Variants in FBXO10 observed in about 807,000 individuals in gnomAD.
The protein encoded by FBXO10 is F-box only protein 10.
FBXO10 carries 39 observed loss-of-function variants against 80.7 expected under a neutral mutation model. The ratio of observed to expected loss-of-function variants is 0.48; its 90% CI spans 0.37 to 0.63. FBXO10 has a LOEUF of 0.63. Among genes scored for constraint, FBXO10 ranks in the 30% least tolerant of loss-of-function variants. The probability of loss-of-function intolerance (pLI) is 0.00; values close to 1 mark genes in which losing one functional copy is unlikely to be tolerated. For synonymous variants in FBXO10, 449 were observed against 489.6 expected (o/e 0.92, Z 1.09); for missense variants, 1,025 against 1,269.0 (o/e 0.81, Z 2.92).
At chr9:37,521,949 T>C in intron 7 of FBXO10, 111 bp from the exon 8 acceptor site, 1 of 1,273,218 alleles carries the variant, frequency 7.9e-7, no homozygotes, top group Non-Finnish European at 1.0e-6. Flanking sequence ...GTCCCTGCCT[T>C]GCTAATGACC....
intron 9 of FBXO10, among the ~76,000 whole-genome samples, chr9:37,517,708 T>C (rs572837242): frequency 6.6e-6 from 1 of 152,230 alleles, no homozygotes; most frequent in East Asian, 1.9e-4. Context: ...GCAGGGTATA[T>C]AGGGAAGAGT....
intron 1 of FBXO10, among the ~76,000 whole-genome samples, chr9:37,553,012 TTGTGTG>T (rs74171513): frequency 0.044 from 6,421 of 144,428 alleles, 204 homozygotes; most frequent in African/African-American, 0.091. Flanking sequence ...CCAATTCAGG[TTGTGTG>T]TGTGTGTGTG....
At chr9:37,569,195 C>G (rs188879323) in intron 1 of FBXO10, among the ~76,000 whole-genome samples, 1 of 149,442 alleles carries the variant, frequency 6.7e-6, no homozygotes, top group Non-Finnish European at 1.5e-5. Context: ...AAAGATGCAA[C>G]TAATGGAAAA....
chr9:37,567,852 T>C (rs544753269), intron 1 of FBXO10, among the ~76,000 whole-genome samples: 1 of 152,310 alleles, frequency 6.6e-6, no homozygotes, highest in Middle Eastern at 3.4e-3. Flanking sequence ...GCCCAGCACC[T>C]TCCCTCTTCT....
At chr9:37,533,056 A>C (rs1821669099) in intron 3 of FBXO10, among the ~76,000 whole-genome samples, 1 of 152,240 alleles carries the variant, frequency 6.6e-6, no homozygotes, top group African/African-American at 2.4e-5. Flanking sequence ...GGATGATTAG[A>C]GATATTGGTA....
chr9:37,562,438 AAC>A (rs1822504617), intron 1 of FBXO10, among the ~76,000 whole-genome samples: 1 of 152,182 alleles, frequency 6.6e-6, no homozygotes, highest in South Asian at 2.1e-4. Context: ...GGAAAAGGGA[AAC>A]ACACCTGTGG....
At chr9:37,527,923 A>G (rs554117433) in intron 5 of FBXO10, among the ~76,000 whole-genome samples, 2 of 152,296 alleles carry the variant, frequency 1.3e-5, no homozygotes, top group East Asian at 1.9e-4. Context: ...TAATTTTTGA[A>G]CCAGCAATTA....
At chr9:37,572,964 T>C (rs958025729) in intron 1 of FBXO10, among the ~76,000 whole-genome samples, 1 of 152,218 alleles carries the variant, frequency 6.6e-6, no homozygotes, top group Non-Finnish European at 1.5e-5. Flanking sequence ...ACAGGGTACA[T>C]GCCAAGTAAA....
At chr9:37,550,169 G>GTTTT (rs74171511) in intron 1 of FBXO10, among the ~76,000 whole-genome samples, 1,940 of 67,874 alleles carry the variant, frequency 0.029, 478 homozygotes, top group East Asian at 0.037. Context: ...GTCGTCTCAG[G>GTTTT]TTTTTTTTTT....
chr9:37,558,189 T>C (rs1415402273), intron 1 of FBXO10, among the ~76,000 whole-genome samples: 1 of 152,142 alleles, frequency 6.6e-6, no homozygotes, highest in African/African-American at 2.4e-5. Flanking sequence ...TGTTCAAGAG[T>C]GAATCAGCTA....
At chr9:37,539,218 C>T (rs186487871) in intron 2 of FBXO10, among the ~76,000 whole-genome samples, 1 of 152,260 alleles carries the variant, frequency 6.6e-6, no homozygotes, top group East Asian at 1.9e-4. Context: ...TAATTTCTTC[C>T]TTATGGCTAA....
chr9:37,541,222 C>T lies in FBXO10; in HGVS notation c.547G>A (p.Val183Ile), dbSNP rs201749823. 393 of 1,611,064 alleles carry T rather than the reference C, an allele frequency of 2.4e-4. No individual in the cohort carries two copies. Among genetic ancestry groups the T allele is most frequent in the Non-Finnish European group, 2.9e-4 (337 of 1,178,556 alleles). The change falls in exon 2 of 11, where the codon GTC becomes ATC. Residue 183 changes from valine to isoleucine, a missense_variant. Physicochemically the swap from Val to Ile is conservative, Grantham distance 29. Transcript: ENST00000432825. Reference sequence around the variant, plus strand: ...GGTGAGAACCAGGCTGGCGTGAAGACGAGGTTGCACAGGCGTGTGGTTGAG... The same window carrying T: ...GGTGAGAACCAGGCTGGCGTGAAGATGAGGTTGCACAGGCGTGTGGTTGAG... The part of the protein sequence containing the change: ...HCSTTRLCNL[V>I]FTPAWFSPIM...
intron 3 of FBXO10, among the ~76,000 whole-genome samples, chr9:37,534,853 G>C (rs1366791019): frequency 2.0e-5 from 3 of 152,182 alleles, no homozygotes; most frequent in African/African-American, 7.2e-5. Flanking sequence ...TGGGAGGAAA[G>C]TGACTTAGGC....
intron 1 of FBXO10, among the ~76,000 whole-genome samples, chr9:37,552,385 AAAG>A (rs1292145143): frequency 6.6e-6 from 1 of 152,194 alleles, no homozygotes; most frequent in African/African-American, 2.4e-5. Flanking sequence ...ACTAATCTGT[AAAG>A]AACAGACACT....
chr9:37,527,967 C>T (rs899804724), intron 5 of FBXO10, among the ~76,000 whole-genome samples: 2 of 152,150 alleles, frequency 1.3e-5, no homozygotes, highest in African/African-American at 2.4e-5. Flanking sequence ...TATCGAAATA[C>T]TGGAATATGG....
intron 1 of FBXO10, among the ~76,000 whole-genome samples, chr9:37,559,493 C>A (rs1467731144): frequency 6.6e-6 from 1 of 152,192 alleles, no homozygotes; most frequent in Non-Finnish European, 1.5e-5. Flanking sequence ...AATTGGGGAC[C>A]TTGATAGCAC....
intron 3 of FBXO10, among the ~76,000 whole-genome samples, chr9:37,534,986 C>T (rs1307887125): frequency 2.6e-5 from 4 of 152,096 alleles, no homozygotes; most frequent in African/African-American, 9.7e-5. Flanking sequence ...AGAGAGAAAC[C>T]CTGCCATCAC....
At position 37,515,917 on chromosome 9, in the gene FBXO10, C is replaced by T. The variant is rs768475047; in HGVS notation, c.2683G>A (p.Val895Ile). 1.2e-6 allele frequency: 2 copies of T among 1,613,350 alleles called. No individual in the cohort carries two copies. The highest frequency in any genetic ancestry group is 3.3e-5 in the Admixed American group (2 of 59,842). The change falls in exon 10 of 11, where the codon GTC becomes ATC. Residue 895 changes from valine (V) to isoleucine (I), a missense_variant. Transcript: ENST00000432825. Reference protein sequence around the residue: ...ECIMQNNKFLVFKKKSDTWRL... With the variant: ...ECIMQNNKFLIFKKKSDTWRL... Reference sequence around the variant, plus strand: ...CCAAGCACTCACTTTTTCTTGAAGACCAGGAACTTGTTGTTTTGCATGATG... The same window carrying T: ...CCAAGCACTCACTTTTTCTTGAAGATCAGGAACTTGTTGTTTTGCATGATG...
chr9:37,550,187 T>TTTTTTTTTTTTTTTTTTTTTTTTTTTG (rs1822160507), intron 1 of FBXO10, among the ~76,000 whole-genome samples: 1 of 129,862 alleles, frequency 7.7e-6, no homozygotes, highest in African/African-American at 2.9e-5. Flanking sequence ...TTTTTTTTTT[T>TTTTTTTTTTTTTTTTTTTTTTTTTTTG]TTTTTTTTTT....
Sources: allele counts gnomAD v4.1 joint callset (sites outside exome capture counted in the v4.1 genomes callset), GRCh38; gene constraint gnomAD v4.1.1; transcripts MANE v1.5; gene names NCBI Gene and HGNC (gene_info 2026-07-23, HGNC 2026-07-21).